LYPLAL1: variants seen among roughly 807,000 people sequenced by gnomAD.
LYPLAL1 encodes lysophospholipase like 1, also known as lysophospholipase-like protein 1.
In LYPLAL1, 23 loss-of-function variants were observed where a neutral mutation model predicts 19.7. That is an observed-to-expected ratio of 1.17 (90% CI 0.84 to 1.65). The LOEUF (loss-of-function observed/expected upper bound fraction) is 1.65, where lower values mean the gene tolerates loss of function less well. Among genes scored for constraint, LYPLAL1 ranks in the 40% most tolerant of loss-of-function variants. The pLI is 0.00. For missense variants in LYPLAL1, 355 were observed against 279.4 expected, an observed-to-expected ratio of 1.27 and a Z score of -1.93; for synonymous variants, 119 against 96.3, an observed-to-expected ratio of 1.24 and a Z score of -1.38.
intron 2 of LYPLAL1, among the ~76,000 whole-genome samples, chr1:219,182,679 GTATT>G (rs1164137712): frequency 1.3e-5 from 2 of 151,922 alleles, no homozygotes; most frequent in African/African-American, 4.8e-5. Flanking sequence ...CACATTTCTG[GTATT>G]TATTCTCTCT....
At chr1:219,410,347 T>C in the LYPLAL1 span, 5 of 152,264 alleles carry the variant, frequency 3.3e-5, no homozygotes, top group Non-Finnish European at 7.3e-5. Flanking sequence ...CAGAACGTAG[T>C]TTAATTTTAG....
intron 3 of LYPLAL1, among the ~76,000 whole-genome samples, chr1:219,193,780 G>T (rs1017924807): frequency 6.6e-6 from 1 of 151,572 alleles, no homozygotes; most frequent in Non-Finnish European, 1.5e-5. Flanking sequence ...TTCTGTTTCT[G>T]GACTTAGCAT....
chr1:219,173,972 C>T lies in LYPLAL1; in HGVS notation c.82C>T (p.His28Tyr), dbSNP rs149075251. 5.5e-5 allele frequency: 88 copies of T among 1,614,004 alleles called. 1 individual carries two copies. The South Asian group carries it at 7.5e-4, about 14-fold the overall frequency. Residue 28 changes from histidine to tyrosine, a missense_variant, in exon 1 of 5, where the codon CAT (histidine) becomes TAT (tyrosine). Coordinates refer to ENST00000366928, the MANE Select transcript of LYPLAL1 (RefSeq NM_138794.5). The part of the protein sequence containing the change: ...GRHSASLIFL[H>Y]GSGDSGQGLR... ...GCATAGCGCCTCTCTGATCTTCCTG[C>T]ATGGCTCAGGTGGATTTCAATTTTA...
At chr1:219,265,952 A>G in the LYPLAL1 span, among the ~76,000 whole-genome samples, 1 of 152,140 alleles carries the variant, frequency 6.6e-6, no homozygotes, top group African/African-American at 2.4e-5. Flanking sequence ...AGTTTGTGGG[A>G]TGGGAAGTTG....
chr1:219,332,780 A>G, the LYPLAL1 span, among the ~76,000 whole-genome samples: 30 of 151,480 alleles, frequency 2.0e-4, no homozygotes, highest in Non-Finnish European at 1.9e-4. Context: ...TAGATTATCT[A>G]AAGAAAGGGG....
chr1:219,235,289 A>G, the LYPLAL1 span, among the ~76,000 whole-genome samples: 1 of 152,330 alleles, frequency 6.6e-6, no homozygotes, highest in Non-Finnish European at 1.5e-5. Context: ...CATCTGAAAC[A>G]TAAAGGTGAC....
chr1:219,325,891 A>C, the LYPLAL1 span, among the ~76,000 whole-genome samples: 1 of 152,178 alleles, frequency 6.6e-6, no homozygotes, highest in Non-Finnish European at 1.5e-5. Context: ...ACAATCCTAA[A>C]GGTATGTCCA....
At chr1:219,424,890 A>G in the LYPLAL1 span, among the ~76,000 whole-genome samples, 2 of 152,230 alleles carry the variant, frequency 1.3e-5, no homozygotes, top group Non-Finnish European at 2.9e-5. Flanking sequence ...AAGAATAAAA[A>G]TATAGCTAAC....
At chr1:219,219,514 G>A in the LYPLAL1 span, among the ~76,000 whole-genome samples, 2 of 152,190 alleles carry the variant, frequency 1.3e-5, no homozygotes, top group Non-Finnish European at 1.5e-5. Flanking sequence ...CTGGCCATCT[G>A]GTAAGCCTTT....
chr1:219,395,533 A>G, the LYPLAL1 span, among the ~76,000 whole-genome samples: 913 of 152,242 alleles, frequency 6.0e-3, 10 homozygotes, highest in African/African-American at 0.021. Flanking sequence ...TGTCAAATGT[A>G]TAGTTGGCAA....
chr1:219,328,111 C>G, the LYPLAL1 span, among the ~76,000 whole-genome samples: 7 of 152,162 alleles, frequency 4.6e-5, no homozygotes, highest in African/African-American at 9.7e-5. Context: ...CTTCTCTAAC[C>G]CAGACCAACT....
At chr1:219,215,130 C>T (rs1002200308), downstream of LYPLAL1, among the ~76,000 whole-genome samples, 1 of 152,020 alleles carries the variant, frequency 6.6e-6, no homozygotes, top group Non-Finnish European at 1.5e-5. Context: ...GACTGAAGTA[C>T]ATTCTTTAAT....
the LYPLAL1 span, among the ~76,000 whole-genome samples, chr1:219,220,621 GCATGTGAACCAGA>G: frequency 1.3e-5 from 2 of 152,068 alleles, no homozygotes; most frequent in African/African-American, 4.8e-5. Flanking sequence ...CCTTACTAAG[GCATGTGAACCAGA>G]AGAAAGTGCG....
At position 219,194,056 on chromosome 1, in the gene LYPLAL1, G is replaced by A. The variant is rs370143520; in HGVS notation, c.361+805G>A. On this transcript the variant is annotated intron_variant, in intron 3 of 4. Coordinates refer to ENST00000366928, the MANE Select transcript of LYPLAL1 (RefSeq NM_138794.5). The stretch of plus-strand genomic sequence containing the variant: ...AAACTTTCTTTGTGTTTATTGAAGT[G>A]CTGAACTGTCTGTTGAGTCATGAGA... 1.6e-4 allele frequency among the ~76,000 whole-genome samples: 25 copies of A among 152,002 alleles called. No individual in the cohort carries two copies. In the South Asian group the frequency reaches 5.2e-3, roughly 32 times the overall value.
In LYPLAL1 at chr1:219,179,190, A is replaced by C. The variant is rs200164694; in HGVS notation, c.135A>C (p.Leu45Phe). 70 of 1,612,708 alleles carry C rather than the reference A, an allele frequency of 4.3e-5. No homozygotes were observed. Among genetic ancestry groups the C allele is most frequent in the Non-Finnish European group, 5.8e-5 (68 of 1,179,482 alleles). ...QGLRMWIKQV[L>F]NQDLTFQHIK... ...TAAGAATGTGGATCAAGCAGGTTTT[A>C]AATCAAGATTTAACATTCCAACACA... Residue 45 changes from leucine to phenylalanine, a missense_variant, in exon 2 of 5, where the codon TTA becomes TTC. Coordinates refer to ENST00000366928, the MANE Select transcript of LYPLAL1 (RefSeq NM_138794.5).
At chr1:219,353,491 G>C in the LYPLAL1 span, among the ~76,000 whole-genome samples, 2 of 152,200 alleles carry the variant, frequency 1.3e-5, no homozygotes, top group African/African-American at 2.4e-5. Flanking sequence ...TCACCAACTG[G>C]AATGTAGACA....
At chr1:219,300,025 T>C in the LYPLAL1 span, among the ~76,000 whole-genome samples, 23 of 152,092 alleles carry the variant, frequency 1.5e-4, no homozygotes. Flanking sequence ...GTCACCCAGG[T>C]TGGAGTGCAG....
At chr1:219,381,799 T>A in the LYPLAL1 span, among the ~76,000 whole-genome samples, 1 of 152,302 alleles carries the variant, frequency 6.6e-6, no homozygotes, top group African/African-American at 2.4e-5. Flanking sequence ...GTGCTGATAC[T>A]AAAGATACAA....
chr1:219,399,059 A>G, the LYPLAL1 span, among the ~76,000 whole-genome samples: 1 of 152,228 alleles, frequency 6.6e-6, no homozygotes, highest in Non-Finnish European at 1.5e-5. Flanking sequence ...GTAGCAGTGC[A>G]GGGAGGGGCA....
Sources: gnomAD v4.1 joint callset for allele counts (sites outside exome capture counted in the v4.1 genomes callset) on GRCh38, gnomAD v4.1.1 for gene constraint, MANE v1.5 for transcripts, NCBI Gene and HGNC (gene_info 2026-07-23, HGNC 2026-07-21) for gene names.